KIF5C: variants seen among roughly 807,000 people sequenced by gnomAD.
The protein encoded by KIF5C is kinesin family member 5C.
In KIF5C, 18 loss-of-function variants were observed where a neutral mutation model predicts 125.2. That is an observed-to-expected ratio of 0.14 (90% CI 0.10 to 0.21). The LOEUF (loss-of-function observed/expected upper bound fraction) is 0.21, where lower values mean the gene tolerates loss of function less well. Among genes scored for constraint, KIF5C ranks in the 10% least tolerant of loss-of-function variants. The pLI is 1.00. For missense variants in KIF5C, 780 were observed against 1,183.8 expected (o/e 0.66, Z 5.01); for synonymous variants, 405 against 434.0 (o/e 0.93, Z 0.83).
intron 10 of KIF5C, among the ~76,000 whole-genome samples, chr2:148,955,934 G>A (rs1558916049): frequency 6.6e-6 from 1 of 152,216 alleles, no homozygotes; most frequent in Non-Finnish European, 1.5e-5. Flanking sequence ...AGGTATGAAG[G>A]TACCAAGAAC....
At chr2:148,983,562 G>A in intron 14 of KIF5C, 58 bp from the exon 15 acceptor site, 2 of 1,478,660 alleles carry the variant, frequency 1.4e-6, no homozygotes, top group African/African-American at 1.4e-5. Flanking sequence ...TTTGTAATGT[G>A]GAGTGTATGA....
chr2:149,022,778 G>A (rs1410116644), intron 25 of KIF5C, among the ~76,000 whole-genome samples: 2 of 152,118 alleles, frequency 1.3e-5, no homozygotes, highest in African/African-American at 4.8e-5. Flanking sequence ...ACAAAAATTA[G>A]CCGGGTGTGG....
intron 25 of KIF5C, among the ~76,000 whole-genome samples, chr2:149,021,412 T>C (rs1682531025): frequency 6.6e-6 from 1 of 152,234 alleles, no homozygotes; most frequent in South Asian, 2.1e-4. Context: ...TGTTTTTTTT[T>C]TTCTATTCAG....
chr2:148,881,131 C>G, intron 1 of KIF5C, among the ~76,000 whole-genome samples: 1 of 152,050 alleles, frequency 6.6e-6, no homozygotes, highest in South Asian at 2.1e-4. Context: ...TCCTATGTCT[C>G]CTGTTCCCTT....
intron 1 of KIF5C, among the ~76,000 whole-genome samples, chr2:148,893,789 C>T (rs1364884229): frequency 2.6e-5 from 4 of 152,212 alleles, no homozygotes; most frequent in African/African-American, 4.8e-5. Flanking sequence ...CTTACATTCT[C>T]ATTTTCATGA....
Position 148,894,703 on chromosome 2 carries a change from A to AAT in KIF5C, c.126+18978_126+18979dup, listed in dbSNP as rs147057942. On this transcript the variant is annotated intron_variant, in intron 1 of 25. Coordinates refer to ENST00000435030, the MANE Select transcript of KIF5C (RefSeq NM_004522.3). ...CTTACATTTCAAATAAGTTTAGTACAATATATATATATATATATAGGGTGG... is the reference window on the plus strand; with the variant it reads ...CTTACATTTCAAATAAGTTTAGTACAATATATATATATATATATATAGGGTGG... Among the ~76,000 whole-genome samples, 1,452 of 147,280 alleles carry AAT rather than the reference A, an allele frequency of 9.9e-3. 15 individuals carry two copies. The highest frequency in any genetic ancestry group is 0.021 in the African/African-American group (856 of 40,460).
chr2:148,946,759 T>A, intron 7 of KIF5C, 140 bp from the exon 8 acceptor site: 1 of 1,211,422 alleles, frequency 8.3e-7, no homozygotes, highest in Non-Finnish European at 1.1e-6. Flanking sequence ...AACAGGGGTC[T>A]CAGATAATTT....
chr2:148,904,860 C>T (rs927472692), intron 1 of KIF5C, among the ~76,000 whole-genome samples: 2 of 152,164 alleles, frequency 1.3e-5, no homozygotes, highest in Non-Finnish European at 2.9e-5. Context: ...CAGACATGGG[C>T]TTAGATAACA....
At position 149,000,619 on chromosome 2, in the gene KIF5C, G is replaced by A. The variant is rs564104638; in HGVS notation, c.2312+95G>A. The A allele has an allele frequency of 6.9e-6, 11 of 1,585,264 alleles. No homozygotes were observed. In the Admixed American group the frequency reaches 1.4e-4, roughly 20 times the overall value. Reference sequence around the variant, plus strand: ...TTAAAAACAGACAATGGCTATTTGTGTGCTTGTTGGTGGGTTTTGTTGATT... The same window carrying A: ...TTAAAAACAGACAATGGCTATTTGTATGCTTGTTGGTGGGTTTTGTTGATT... On this transcript the variant is annotated intron_variant, in intron 20 of 25. Coordinates refer to ENST00000435030, the MANE Select transcript of KIF5C (RefSeq NM_004522.3).
Position 148,922,230 on chromosome 2 carries a change from A to T in KIF5C, c.217+3A>T, listed in dbSNP as rs1431153013. 2.5e-6 allele frequency: 4 copies of T among 1,599,558 alleles called. No homozygotes were observed. The highest frequency in any genetic ancestry group is 2.6e-6 in the Non-Finnish European group (3 of 1,168,120). On this transcript the variant is annotated splice_donor_region_variant and intron_variant, in intron 2 of 25. Transcript: ENST00000435030. ...ATGTGCGAAGCAAATTGTCAAAGGT[A>T]AGTGCTATTTCTTTATTTCCTCCTG...
At chr2:148,900,247 C>G (rs1372910337) in intron 1 of KIF5C, among the ~76,000 whole-genome samples, 1 of 152,136 alleles carries the variant, frequency 6.6e-6, no homozygotes, top group East Asian at 1.9e-4. Context: ...TAATTTATCT[C>G]CCCCTTCATC....
chr2:148,989,369 C>CACACAT (rs1558935197), intron 15 of KIF5C, among the ~76,000 whole-genome samples: 1 of 149,340 alleles, frequency 6.7e-6, no homozygotes, highest in Non-Finnish European at 1.5e-5. Flanking sequence ...CACACACACA[C>CACACAT]CACATTTTCT....
chr2:148,968,277 C>T (rs2105139887), intron 11 of KIF5C, among the ~76,000 whole-genome samples: 1 of 152,266 alleles, frequency 6.6e-6, no homozygotes, highest in East Asian at 1.9e-4. Context: ...GAAAAATCGG[C>T]AGTCTCTAAC....
At chr2:149,021,787 A>G (rs1682541507) in intron 25 of KIF5C, among the ~76,000 whole-genome samples, 1 of 149,576 alleles carries the variant, frequency 6.7e-6, no homozygotes, top group South Asian at 2.1e-4. Context: ...TTCCAGTACC[A>G]GGTAATTCCA....
chr2:149,007,610 T>A (rs1682046544), intron 22 of KIF5C, among the ~76,000 whole-genome samples: 1 of 152,228 alleles, frequency 6.6e-6, no homozygotes. Flanking sequence ...GTTTTTGCAG[T>A]TGTTGTTTCT....
intron 4 of KIF5C, among the ~76,000 whole-genome samples, chr2:148,940,593 C>G (rs1000682197): frequency 6.6e-6 from 1 of 152,186 alleles, no homozygotes; most frequent in Admixed American, 6.5e-5. Context: ...TGAGGTTTTA[C>G]CTGAGTAGTC....
intron 2 of KIF5C, among the ~76,000 whole-genome samples, chr2:148,929,077 AT>A (rs1217680206): frequency 6.6e-6 from 1 of 152,202 alleles, no homozygotes; most frequent in Non-Finnish European, 1.5e-5. Context: ...TTCTTCATTA[AT>A]GTATTCTGTG....
chr2:148,956,106 C>A (rs1207722855), intron 10 of KIF5C, among the ~76,000 whole-genome samples: 1 of 152,166 alleles, frequency 6.6e-6, no homozygotes, highest in East Asian at 1.9e-4. Flanking sequence ...TGCAGTGGTT[C>A]TAGGTCTTCT....
chr2:148,920,904 G>C (rs1359226917), intron 1 of KIF5C, among the ~76,000 whole-genome samples: 1 of 152,196 alleles, frequency 6.6e-6, no homozygotes, highest in African/African-American at 2.4e-5. Context: ...TCTTGGCTCT[G>C]CTCTCTCCTC....
Sources: allele counts gnomAD v4.1 joint callset (sites outside exome capture counted in the v4.1 genomes callset), GRCh38; gene constraint gnomAD v4.1.1; transcripts MANE v1.5; gene names NCBI Gene and HGNC (gene_info 2026-07-23, HGNC 2026-07-21).